GK5: variants seen among roughly 807,000 people sequenced by gnomAD.
The protein encoded by GK5 is ATP:glycerol 3-phosphotransferase 5.
GK5 carries 39 observed loss-of-function variants against 77.3 expected under a neutral mutation model. The ratio of observed to expected loss-of-function variants is 0.50; its 90% CI spans 0.39 to 0.66. GK5 has a LOEUF of 0.66. GK5 is among the 30% of genes least tolerant of loss of function. GK5 has a pLI of 0.00. For missense variants in GK5, 487 were observed against 633.8 expected, an observed-to-expected ratio of 0.77 and a Z score of 2.49; for synonymous variants, 211 against 208.0, an observed-to-expected ratio of 1.01 and a Z score of -0.13.
intron 9 of GK5, chr3:142,185,584 G>A (rs1008557555): frequency 5.1e-5 from 55 of 1,085,172 alleles, no homozygotes; most frequent in Non-Finnish European, 5.7e-5. Flanking sequence ...ATAAATATTC[G>A]CCCCATCACT....
chr3:142,216,470 G>A (rs1242039279), intron 1 of GK5, among the ~76,000 whole-genome samples: 1 of 152,004 alleles, frequency 6.6e-6, no homozygotes, highest in African/African-American at 2.4e-5. Context: ...AAATCCTGAG[G>A]AAGGTAAAAC....
At chr3:142,203,952 A>T (rs1324121342) in intron 4 of GK5, among the ~76,000 whole-genome samples, 1 of 152,140 alleles carries the variant, frequency 6.6e-6, no homozygotes, top group Non-Finnish European at 1.5e-5. Context: ...TGACTTCATG[A>T]TGTTGCTATT....
intron 3 of GK5, among the ~76,000 whole-genome samples, chr3:142,206,476 T>C (rs1348422836): frequency 6.6e-6 from 1 of 152,224 alleles, no homozygotes; most frequent in Admixed American, 6.5e-5. Context: ...TGAAGTGGTA[T>C]CTCATTATGG....
At chr3:142,208,860 T>C (rs2064148835) in intron 3 of GK5, among the ~76,000 whole-genome samples, 1 of 152,106 alleles carries the variant, frequency 6.6e-6, no homozygotes, top group Non-Finnish European at 1.5e-5. Flanking sequence ...CTATAAAGGA[T>C]AAATAGAGGC....
At chr3:142,202,285 C>T (rs573357514) in intron 4 of GK5, among the ~76,000 whole-genome samples, 1 of 152,102 alleles carries the variant, frequency 6.6e-6, no homozygotes, top group African/African-American at 2.4e-5. Context: ...AGCGGAAGAC[C>T]GGGCATCTGG....
At chr3:142,172,864 ACT>A (rs1403178197) in intron 12 of GK5, among the ~76,000 whole-genome samples, 2 of 152,182 alleles carry the variant, frequency 1.3e-5, no homozygotes, top group Non-Finnish European at 2.9e-5. Flanking sequence ...ACAAAAATGT[ACT>A]TTTTAGTGTC....
intron 13 of GK5, among the ~76,000 whole-genome samples, chr3:142,172,094 A>T (rs1211148497): frequency 6.6e-6 from 1 of 152,174 alleles, no homozygotes; most frequent in Non-Finnish European, 1.5e-5. Context: ...TGCATGCTTA[A>T]GAAATTGAAT....
intron 5 of GK5, among the ~76,000 whole-genome samples, chr3:142,198,202 T>C (rs749106814): frequency 1.3e-5 from 2 of 152,162 alleles, no homozygotes; most frequent in African/African-American, 4.8e-5. Context: ...AAATCATACA[T>C]TGAACAGCAA....
At chr3:142,216,578 C>T (rs78581890) in intron 1 of GK5, among the ~76,000 whole-genome samples, 2,062 of 152,046 alleles carry the variant, frequency 0.014, 45 homozygotes, top group African/African-American at 0.046. Context: ...CCAGACATAC[C>T]CAGCCGAGTG....
intron 3 of GK5, among the ~76,000 whole-genome samples, chr3:142,206,304 T>C (rs2064106184): frequency 6.6e-6 from 1 of 152,218 alleles, no homozygotes; most frequent in African/African-American, 2.4e-5. Flanking sequence ...GGTCATATAG[T>C]AATTCTATGT....
At chr3:142,198,014 T>A in intron 5 of GK5, among the ~76,000 whole-genome samples, 2 of 148,280 alleles carry the variant, frequency 1.3e-5, no homozygotes, top group African/African-American at 2.5e-5. Flanking sequence ...AGGGTGAGAC[T>A]CTGTCTCAAA....
At position 142,168,277 on chromosome 3, in the gene GK5, A is replaced by G. The variant is rs545461845; in HGVS notation, c.1441+2048T>C. Among the ~76,000 whole-genome samples, 14 of 152,362 alleles carry G rather than the reference A, an allele frequency of 9.2e-5. No homozygotes were observed. In the South Asian group the frequency reaches 2.3e-3, roughly 25 times the overall value. On this transcript the variant is annotated intron_variant, in intron 15 of 15. Coordinates refer to ENST00000392993, the MANE Select transcript of GK5 (RefSeq NM_001039547.3). ...TTGCTCAATCAGGCACGTGAAAGTA[A>G]TAAGAGGAAAATCAAACATACTAAA...
At chr3:142,165,925 G>A (rs772262857) in intron 15 of GK5, among the ~76,000 whole-genome samples, 155 bp from the exon 16 acceptor site, 3 of 152,132 alleles carry the variant, frequency 2.0e-5, no homozygotes, top group Non-Finnish European at 2.9e-5. Flanking sequence ...TTGTTAGATC[G>A]ATCATTCCTG....
At chr3:142,192,359 T>C (rs1373054646) in intron 5 of GK5, among the ~76,000 whole-genome samples, 1 of 152,224 alleles carries the variant, frequency 6.6e-6, no homozygotes, top group Admixed American at 6.5e-5. Flanking sequence ...TACACCTATT[T>C]ACTCAAATGA....
chr3:142,179,100 C>G (rs1011081561), intron 11 of GK5, among the ~76,000 whole-genome samples: 5 of 152,128 alleles, frequency 3.3e-5, no homozygotes, highest in African/African-American at 1.2e-4. Flanking sequence ...CAGCAAAGAT[C>G]AGAAGAAAAG....
At chr3:142,169,300 C>G (rs917729047) in intron 15 of GK5, among the ~76,000 whole-genome samples, 1 of 152,242 alleles carries the variant, frequency 6.6e-6, no homozygotes, top group African/African-American at 2.4e-5. Context: ...AACTTTTGGA[C>G]TTCCATGGTC....
At chr3:142,188,763 C>T (rs547934629) in intron 5 of GK5, among the ~76,000 whole-genome samples, 11 of 152,198 alleles carry the variant, frequency 7.2e-5, no homozygotes, top group Non-Finnish European at 1.2e-4. Flanking sequence ...TTGTTGCCTA[C>T]GGCTGCTTTC....
At position 142,165,532 on chromosome 3, in the gene GK5, A is replaced by C; in HGVS notation, c.*90T>G. On this transcript the variant is annotated 3_prime_UTR_variant, in exon 16 of 16. Coordinates refer to ENST00000392993, the MANE Select transcript of GK5 (RefSeq NM_001039547.3). Reference sequence around the variant, plus strand: ...AGCTTATTTAAAATTTTCTCCTCTTAGTCATTGTCATATGGGTTATCCCTG... The same window carrying C: ...AGCTTATTTAAAATTTTCTCCTCTTCGTCATTGTCATATGGGTTATCCCTG... 1 of 886,264 alleles carries C rather than the reference A, an allele frequency of 1.1e-6. No individual in the cohort carries two copies. The highest frequency in any genetic ancestry group is 1.6e-6 in the Non-Finnish European group (1 of 618,050). The allele number at this position is 886,264 out of a possible 1,614,324, so 54.9% of individuals were successfully genotyped here. A position where few individuals can be genotyped will look rare whatever the true frequency, so the allele number is the denominator to read the frequency against.
intron 7 of GK5, 41 bp downstream of exon 7, chr3:142,186,410 AC>A (rs751301960): frequency 4.2e-6 from 5 of 1,185,832 alleles, no homozygotes; most frequent in Non-Finnish European, 6.0e-6. Context: ...TCTATATTAC[AC>A]AAAAATGTGT....
Sources: gnomAD v4.1 joint callset for allele counts (sites outside exome capture counted in the v4.1 genomes callset) on GRCh38, gnomAD v4.1.1 for gene constraint, MANE v1.5 for transcripts, NCBI Gene and HGNC (gene_info 2026-07-23, HGNC 2026-07-21) for gene names.